SLC25A17: variants seen among roughly 807,000 people sequenced by gnomAD.
SLC25A17 encodes peroxisomal membrane protein PMP34.
In SLC25A17, 26 loss-of-function variants were observed where a neutral mutation model predicts 38.5. The ratio of observed to expected loss-of-function variants is 0.68; its 90% confidence interval spans 0.50 to 0.94. The LOEUF is 0.94. Among genes scored for constraint, SLC25A17 ranks in the 40% least tolerant of loss-of-function variants. SLC25A17 has a pLI of 0.00. For synonymous variants in SLC25A17, 139 were observed against 136.2 expected, an observed-to-expected ratio of 1.02 and a Z score of -0.14; for missense variants, 333 against 372.7, an observed-to-expected ratio of 0.89 and a Z score of 0.88.
At chr22:40,795,217 C>T (rs2057418075) in intron 2 of SLC25A17, among the ~76,000 whole-genome samples, 2 of 152,184 alleles carry the variant, frequency 1.3e-5, no homozygotes, top group South Asian at 4.1e-4. Flanking sequence ...CCTTGCCCTT[C>T]ATCTGTTACT....
At chr22:40,782,221 A>AAACAACAAC (rs57313774) in intron 4 of SLC25A17, among the ~76,000 whole-genome samples, 2,883 of 149,986 alleles carry the variant, frequency 0.019, 76 homozygotes, top group African/African-American at 0.06. Flanking sequence ...CCCCATCTCA[A>AAACAACAAC]AACAACAACA....
intron 4 of SLC25A17, among the ~76,000 whole-genome samples, chr22:40,791,632 ATGAAAAG>A (rs1418622696): frequency 2.6e-5 from 4 of 152,326 alleles, no homozygotes; most frequent in Non-Finnish European, 4.4e-5. Flanking sequence ...CAACAAACAT[ATGAAAAG>A]TGATGTTCAG....
At chr22:40,817,069 A>G (rs1023172296) in intron 1 of SLC25A17, 2 of 152,170 alleles carry the variant, frequency 1.3e-5, no homozygotes, top group Non-Finnish European at 1.5e-5. Context: ...AGAGAAAAAC[A>G]TTTCCCATCT....
intron 1 of SLC25A17, among the ~76,000 whole-genome samples, chr22:40,811,321 C>T (rs1313969565): frequency 1.3e-5 from 2 of 151,502 alleles, no homozygotes; most frequent in Non-Finnish European, 2.9e-5. Context: ...AAACCCCTGG[C>T]CTCGAGTGAT....
At chr22:40,774,674 A>C (rs2057222918) in intron 7 of SLC25A17, among the ~76,000 whole-genome samples, 1 of 152,226 alleles carries the variant, frequency 6.6e-6, no homozygotes, top group African/African-American at 2.4e-5. Context: ...AATTCTGAGA[A>C]ATGAATCATT....
chr22:40,816,151 T>C (rs1286029625), intron 1 of SLC25A17, among the ~76,000 whole-genome samples: 1 of 147,394 alleles, frequency 6.8e-6, no homozygotes, highest in Non-Finnish European at 1.5e-5. Context: ...ATTGCATCAC[T>C]GCACTCCATG....
intron 1 of SLC25A17, among the ~76,000 whole-genome samples, chr22:40,803,009 T>G (rs1256224128): frequency 6.6e-6 from 1 of 152,240 alleles, no homozygotes; most frequent in East Asian, 1.9e-4. Flanking sequence ...ACATCATTTC[T>G]TTGTGGTGAT....
At chr22:40,817,088 T>C (rs2057649008) in intron 1 of SLC25A17, 1 of 152,194 alleles carries the variant, frequency 6.6e-6, no homozygotes, top group Admixed American at 6.5e-5. Context: ...CTTCTCACTT[T>C]CTTCTCTTAG....
chr22:40,800,276 G>C (rs1240366332), intron 1 of SLC25A17, among the ~76,000 whole-genome samples: 1 of 152,090 alleles, frequency 6.6e-6, no homozygotes, highest in Non-Finnish European at 1.5e-5. Flanking sequence ...CTATATACAT[G>C]AAACTTCCAT....
In SLC25A17 at chr22:40,800,381, A is replaced by G. The variant is rs554052750; in HGVS notation, c.55-1298T>C. Among the ~76,000 whole-genome samples the G allele has an allele frequency of 1.3e-3, 194 of 152,078 alleles. 1 individual carries two copies. Among genetic ancestry groups the G allele is most frequent in the Middle Eastern group, 3.4e-3 (1 of 294 alleles). On this transcript the variant is annotated intron_variant, in intron 1 of 8. Transcript: ENST00000435456. Reference sequence around the variant, plus strand: ...AGACTGCTGATCTAATAATGGTTACAAAAAAAATTAACTAATTAATTAGTT... The same window carrying G: ...AGACTGCTGATCTAATAATGGTTACGAAAAAAATTAACTAATTAATTAGTT...
chr22:40,794,464 G>T, intron 3 of SLC25A17, 50 bp downstream of exon 3: 1 of 1,087,236 alleles, frequency 9.2e-7, no homozygotes, highest in Non-Finnish European at 1.4e-6. Context: ...GGAAGCACAG[G>T]AATCTCCTAA....
intron 1 of SLC25A17, among the ~76,000 whole-genome samples, chr22:40,811,793 G>T (rs545468290): frequency 1.7e-4 from 26 of 152,150 alleles, no homozygotes; most frequent in South Asian, 1.5e-3. Context: ...ATTTATGAGG[G>T]ATCTGCCCCC....
intron 1 of SLC25A17, among the ~76,000 whole-genome samples, chr22:40,816,727 C>T (rs2057644327): frequency 6.6e-6 from 1 of 151,826 alleles, no homozygotes; most frequent in Non-Finnish European, 1.5e-5. Flanking sequence ...TCTCCTGCTT[C>T]AGCCTCCCGA....
chr22:40,772,445 C>T (rs375601153), intron 8 of SLC25A17, among the ~76,000 whole-genome samples: 65 of 152,234 alleles, frequency 4.3e-4, no homozygotes, highest in Middle Eastern at 3.4e-3. Flanking sequence ...GCTGGGACTA[C>T]AGGCAGGCAC....
intron 4 of SLC25A17, among the ~76,000 whole-genome samples, chr22:40,791,115 G>A (rs557638431): frequency 6.7e-4 from 102 of 152,286 alleles, no homozygotes; most frequent in Admixed American, 4.8e-3. Context: ...GCAATGATAA[G>A]GTTTGATTTG....
At chr22:40,784,584 G>GC (rs1457091948) in intron 4 of SLC25A17, 1 of 262,060 alleles carries the variant, frequency 3.8e-6, no homozygotes. Flanking sequence ...ACCAGCCTGG[G>GC]CAACACAGAA....
Position 40,794,420 on chromosome 22 carries a change from T to C in SLC25A17, c.182+94A>G, listed in dbSNP as rs2057409540. ...TTCCAAATTCACAACATTAGAGTGC[T>C]GTGAGAAAGATAGAAAGTAAGCATA... On this transcript the variant is annotated intron_variant, in intron 3 of 8. Transcript: ENST00000435456. 4.1e-6 allele frequency: 3 copies of C among 736,800 alleles called. No individual in the cohort carries two copies. The East Asian group carries it at 7.8e-5, about 19-fold the overall frequency. The allele number at this position is 736,800 out of a possible 1,614,324, so 45.6% of individuals were successfully genotyped here.
At chr22:40,801,518 A>AC (rs2057484133) in intron 1 of SLC25A17, among the ~76,000 whole-genome samples, 2 of 152,050 alleles carry the variant, frequency 1.3e-5, no homozygotes, top group South Asian at 4.1e-4. Flanking sequence ...TTTTTTGATG[A>AC]CCCCAACATA....
chr22:40,802,482 T>G (rs895828360), intron 1 of SLC25A17, among the ~76,000 whole-genome samples: 1 of 151,992 alleles, frequency 6.6e-6, no homozygotes, highest in African/African-American at 2.4e-5. Flanking sequence ...CCCCCTCTAC[T>G]AAAAATACAA....
Sources: allele counts gnomAD v4.1 joint callset (sites outside exome capture counted in the v4.1 genomes callset), GRCh38; gene constraint gnomAD v4.1.1; transcripts MANE v1.5; gene names NCBI Gene and HGNC (gene_info 2026-07-23, HGNC 2026-07-21).